Variants in TULP4 observed in about 807,000 individuals in gnomAD.
TULP4 encodes tubby-related protein 4.
In TULP4, 16 loss-of-function variants were observed where a neutral mutation model predicts 129.0. The observed-to-expected ratio is 0.12, with a 90% CI of 0.08 to 0.19. The LOEUF (loss-of-function observed/expected upper bound fraction) is 0.19. Among genes scored for constraint, TULP4 ranks in the 10% least tolerant of loss-of-function variants. The pLI is 1.00. For missense variants in TULP4, 1,842 were observed against 2,059.1 expected (o/e 0.89, Z 2.04); for synonymous variants, 998 against 854.0 (o/e 1.17, Z -2.94).
intron 2 of TULP4, among the ~76,000 whole-genome samples, chr6:158,428,739 A>G (rs538908323): frequency 1.3e-5 from 2 of 152,292 alleles, no homozygotes; most frequent in East Asian, 1.9e-4. Flanking sequence ...TGGAGAATCT[A>G]TTACTAACCA....
At chr6:158,505,265 C>T (rs202074647) in intron 13 of TULP4, among the ~76,000 whole-genome samples, 2 of 152,302 alleles carry the variant, frequency 1.3e-5, no homozygotes, top group Admixed American at 6.5e-5. Context: ...CTTAAATTCA[C>T]GTTTTCGTTA....
chr6:158,278,775 T>G (rs1278398704), upstream of TULP4, among the ~76,000 whole-genome samples: 1 of 152,184 alleles, frequency 6.6e-6, no homozygotes. Context: ...CAAATACTTT[T>G]AGAGGACCTC....
intron 1 of TULP4, among the ~76,000 whole-genome samples, chr6:158,357,483 C>T (rs1780674925): frequency 6.6e-6 from 1 of 152,198 alleles, no homozygotes; most frequent in Non-Finnish European, 1.5e-5. Flanking sequence ...TGATGCACGT[C>T]TAAGATCCTA....
chr6:158,434,668 A>T (rs947991700), intron 3 of TULP4, among the ~76,000 whole-genome samples: 1 of 152,182 alleles, frequency 6.6e-6, no homozygotes, highest in East Asian at 1.9e-4. Flanking sequence ...CTAACTGTCA[A>T]TTCACTTGGA....
At chr6:158,356,944 C>T (rs1780661887) in intron 1 of TULP4, among the ~76,000 whole-genome samples, 1 of 152,098 alleles carries the variant, frequency 6.6e-6, no homozygotes, top group African/African-American at 2.4e-5. Flanking sequence ...TAATTTTCCC[C>T]AGCTGTGCCT....
intron 3 of TULP4, among the ~76,000 whole-genome samples, chr6:158,442,734 C>T (rs1778927669): frequency 6.6e-6 from 1 of 152,024 alleles, no homozygotes; most frequent in Admixed American, 6.6e-5. Flanking sequence ...GAGGCCCCTC[C>T]TTCTATCCCC....
chr6:158,485,375 T>C (rs1003029199), intron 8 of TULP4, among the ~76,000 whole-genome samples: 15 of 152,192 alleles, frequency 9.9e-5, no homozygotes, highest in African/African-American at 3.1e-4. Context: ...TTGAAGAAAA[T>C]ACCAAAGTTA....
At chr6:158,233,152 C>T (rs1777629499) in intron 1 of TULP4, among the ~76,000 whole-genome samples, 1 of 152,178 alleles carries the variant, frequency 6.6e-6, no homozygotes, top group Non-Finnish European at 1.5e-5. Context: ...ACACAGCCCT[C>T]TCCGAGGTTG....
intron 1 of TULP4, among the ~76,000 whole-genome samples, chr6:158,262,113 GT>G (rs1446361904): frequency 6.6e-6 from 1 of 152,218 alleles, no homozygotes; most frequent in Non-Finnish European, 1.5e-5. Flanking sequence ...AGGGCTGGCA[GT>G]CTCTGCCTTG....
In TULP4 at chr6:158,508,905, T is replaced by TTTTG. The variant is rs1491457882; in HGVS notation, c.*2211_*2212insTTTG. 1 of 103,356 alleles carries TTTTG rather than the reference T, an allele frequency of 9.7e-6. No individual in the cohort carries two copies. The allele number at this position is 103,356 out of a possible 1,614,324, so 6.4% of individuals were successfully genotyped here. ...TTTTTTTTTTTTTTTTTTTTTTTTTTGAGACGGAGTCCCACTCTTGTCGCC... is the reference window on the plus strand; with the variant it reads ...TTTTTTTTTTTTTTTTTTTTTTTTTTTTTGGAGACGGAGTCCCACTCTTGTCGCC... On this transcript the variant is annotated 3_prime_UTR_variant, in exon 14 of 14. Coordinates refer to ENST00000367097, the MANE Select transcript of TULP4 (RefSeq NM_020245.5).
intron 7 of TULP4, among the ~76,000 whole-genome samples, chr6:158,480,318 G>A (rs1045052524): frequency 2.0e-5 from 3 of 152,354 alleles, no homozygotes; most frequent in Non-Finnish European, 4.4e-5. Context: ...GTTCAGTCCT[G>A]ACTTCCTGAC....
intron 1 of TULP4, among the ~76,000 whole-genome samples, chr6:158,246,042 G>T (rs1778025931): frequency 7.0e-6 from 1 of 142,114 alleles, no homozygotes; most frequent in South Asian, 2.1e-4. Context: ...GTGTGTGTGT[G>T]TGTGTGTGTG....
chr6:158,251,247 A>T (rs1326888316), intron 1 of TULP4, among the ~76,000 whole-genome samples: 1 of 152,192 alleles, frequency 6.6e-6, no homozygotes, highest in East Asian at 1.9e-4. Flanking sequence ...TTATTGAAAG[A>T]TTGTTAATCA....
rs551586189 is a variant in TULP4 at position 158,440,006 on chromosome 6, C to T, written c.544-8990C>T. Among the ~76,000 whole-genome samples, 262 of 151,556 alleles carry T rather than the reference C, an allele frequency of 1.7e-3. 1 individual carries two copies. Among genetic ancestry groups the T allele is most frequent in the African/African-American group, 6.2e-3 (258 of 41,372 alleles). ...GATTACAGGCGTGAGCCACCGTGTC[C>T]GGCCTAGAGTGTTTCTTTTTTAAAA... On this transcript the variant is annotated intron_variant, in intron 3 of 13. Coordinates refer to ENST00000367097, the MANE Select transcript of TULP4 (RefSeq NM_020245.5).
intron 1 of TULP4, among the ~76,000 whole-genome samples, chr6:158,405,803 T>C (rs2114991732): frequency 6.6e-6 from 1 of 152,308 alleles, no homozygotes; most frequent in South Asian, 2.1e-4. Context: ...CAAGAATCTT[T>C]TACATTATGT....
intron 1 of TULP4, among the ~76,000 whole-genome samples, chr6:158,294,725 T>TTTCTTC (rs760586202): frequency 6.6e-6 from 1 of 152,088 alleles, no homozygotes; most frequent in African/African-American, 2.4e-5. Flanking sequence ...TTTTTTCTTC[T>TTTCTTC]TTCTTCTTCT....
chr6:158,262,527 A>G (rs1245545854), intron 1 of TULP4, among the ~76,000 whole-genome samples: 3 of 152,162 alleles, frequency 2.0e-5, no homozygotes, highest in Non-Finnish European at 2.9e-5. Context: ...GCTGGGCACA[A>G]TGGGGCACAA....
At chr6:158,465,831 A>T (rs1583908152) in intron 6 of TULP4, among the ~76,000 whole-genome samples, 2 of 152,354 alleles carry the variant, frequency 1.3e-5, no homozygotes, top group African/African-American at 4.8e-5. Context: ...TGAAACCAGG[A>T]GAAGTAGAGG....
chr6:158,363,731 C>A (rs992498441), intron 1 of TULP4, among the ~76,000 whole-genome samples: 6 of 151,982 alleles, frequency 3.9e-5, no homozygotes, highest in Non-Finnish European at 8.8e-5. Context: ...GGTGATCCAC[C>A]CCCCCGGCCT....
Sources: allele counts gnomAD v4.1 joint callset (sites outside exome capture counted in the v4.1 genomes callset), GRCh38; gene constraint gnomAD v4.1.1; transcripts MANE v1.5; gene names NCBI Gene and HGNC (gene_info 2026-07-23, HGNC 2026-07-21).